Variants in RALYL observed in about 807,000 individuals in gnomAD.
The protein encoded by RALYL is RNA-binding Raly-like protein.
In RALYL, 29 loss-of-function variants were observed where a neutral mutation model predicts 35.1. The ratio of observed to expected loss-of-function variants is 0.83; its 90% CI spans 0.61 to 1.13. RALYL has a LOEUF of 1.13. RALYL is among the 50% of genes most tolerant of loss of function. The pLI, the probability that RALYL is intolerant of heterozygous loss-of-function variation, is 0.00. For missense variants in RALYL, 359 were observed against 360.4 expected (o/e 1.00, Z 0.03); for synonymous variants, 120 against 127.6 (o/e 0.94, Z 0.40).
At chr8:84,207,186 A>G (rs1355417794) in intron 1 of RALYL, among the ~76,000 whole-genome samples, 1 of 152,138 alleles carries the variant, frequency 6.6e-6, no homozygotes, top group Non-Finnish European at 1.5e-5. Flanking sequence ...AAATTAAACC[A>G]GTATCTCAAA....
At chr8:84,890,938 G>A (rs575810362) in intron 8 of RALYL, among the ~76,000 whole-genome samples, 1 of 152,178 alleles carries the variant, frequency 6.6e-6, no homozygotes, top group Admixed American at 6.6e-5. Flanking sequence ...GTTTAAAAAT[G>A]AGAAAATAAA....
intron 1 of RALYL, among the ~76,000 whole-genome samples, chr8:84,462,300 G>A (rs2050894312): frequency 6.6e-6 from 1 of 151,232 alleles, no homozygotes; most frequent in Admixed American, 6.6e-5. Context: ...TTATCATATT[G>A]TTGCATTTTA....
chr8:84,474,624 T>G (rs1359444201), intron 1 of RALYL, among the ~76,000 whole-genome samples: 1 of 152,180 alleles, frequency 6.6e-6, no homozygotes, highest in Non-Finnish European at 1.5e-5. Context: ...TAGTGTGTAA[T>G]AATCTCTCAA....
chr8:84,503,216 T>G (rs1229157467), intron 1 of RALYL, among the ~76,000 whole-genome samples: 1 of 152,016 alleles, frequency 6.6e-6, no homozygotes. Context: ...GGTAGGATCA[T>G]AGCTCGCTGC....
At chr8:84,805,637 T>C (rs2134022396) in intron 4 of RALYL, among the ~76,000 whole-genome samples, 1 of 152,200 alleles carries the variant, frequency 6.6e-6, no homozygotes, top group East Asian at 1.9e-4. Flanking sequence ...TGAGCCAAGA[T>C]CACACCACTG....
chr8:84,785,642 TA>T (rs937597607), intron 3 of RALYL, among the ~76,000 whole-genome samples: 16 of 152,210 alleles, frequency 1.1e-4, no homozygotes, highest in African/African-American at 3.4e-4. Flanking sequence ...AAAACATTTT[TA>T]AAAAATTAAA....
At chr8:84,306,263 T>A (rs1841779744) in intron 1 of RALYL, among the ~76,000 whole-genome samples, 2 of 152,054 alleles carry the variant, frequency 1.3e-5, no homozygotes, top group South Asian at 4.2e-4. Context: ...ACAAATTGGG[T>A]TCTTAGGAAA....
chr8:84,804,251 A>G (rs1287932307), intron 3 of RALYL, among the ~76,000 whole-genome samples: 1 of 152,206 alleles, frequency 6.6e-6, no homozygotes, highest in South Asian at 2.1e-4. Flanking sequence ...TAGAAGCACA[A>G]AGGAGGCTGA....
chr8:84,237,975 T>TA (rs374231294), intron 1 of RALYL, among the ~76,000 whole-genome samples: 9 of 114,200 alleles, frequency 7.9e-5, no homozygotes, highest in African/African-American at 1.2e-4. Context: ...AATATGAATC[T>TA]AAAAAAAAGA....
At chr8:84,319,458 T>C (rs1373020500) in intron 1 of RALYL, among the ~76,000 whole-genome samples, 5 of 152,110 alleles carry the variant, frequency 3.3e-5, no homozygotes, top group African/African-American at 1.2e-4. Flanking sequence ...AGATGACCAA[T>C]TTCATAACCT....
Position 84,850,041 on chromosome 8 carries a change from T to C in RALYL, c.413+14T>C. 1 of 1,423,232 alleles carries C rather than the reference T, an allele frequency of 7.0e-7. No homozygotes were observed. The highest frequency in any genetic ancestry group is 2.5e-5 in the Admixed American group (1 of 40,096). 88.2% of individuals were successfully genotyped at this position (1,423,232 alleles called of 1,614,324 possible). A position where few individuals can be genotyped will look rare whatever the true frequency, so the allele number is the denominator to read the frequency against. ...TTTCTACAATCGGTATGTGAATTTT[T>C]CATCCTTGTTTTCCTATGACTTAAA... On this transcript the variant is annotated intron_variant, in intron 5 of 8. Coordinates refer to ENST00000521268, the MANE Select transcript of RALYL (RefSeq NM_173848.7).
intron 2 of RALYL, chr8:84,679,537 G>C (rs1321117950): frequency 2.6e-6 from 1 of 382,412 alleles, no homozygotes; most frequent in Non-Finnish European, 5.1e-6. Flanking sequence ...TCTGCAAAGG[G>C]GCTGGAATGA....
intron 1 of RALYL, among the ~76,000 whole-genome samples, chr8:84,511,659 G>C (rs1055435114): frequency 1.3e-5 from 2 of 152,080 alleles, no homozygotes; most frequent in African/African-American, 2.4e-5. Context: ...CTATCTAACT[G>C]TATGCTTGTA....
At chr8:84,231,332 C>T (rs1825291883) in intron 1 of RALYL, among the ~76,000 whole-genome samples, 1 of 152,172 alleles carries the variant, frequency 6.6e-6, no homozygotes, top group Admixed American at 6.5e-5. Context: ...GTGAGAAATA[C>T]AGCTAGAGAA....
At chr8:84,902,779 G>A (rs1022767855) in intron 8 of RALYL, among the ~76,000 whole-genome samples, 1 of 152,112 alleles carries the variant, frequency 6.6e-6, no homozygotes, top group African/African-American at 2.4e-5. Context: ...TCTGTTAAAG[G>A]AAGTTTTTTT....
At chr8:84,592,855 C>T (rs1332979701) in intron 2 of RALYL, among the ~76,000 whole-genome samples, 1 of 152,022 alleles carries the variant, frequency 6.6e-6, no homozygotes, top group Non-Finnish European at 1.5e-5. Context: ...CTCAAATTTG[C>T]ACACAAGGAT....
At chr8:84,835,549 G>T (rs1831809536) in intron 4 of RALYL, among the ~76,000 whole-genome samples, 2 of 150,676 alleles carry the variant, frequency 1.3e-5, no homozygotes, top group African/African-American at 4.9e-5. Context: ...TGGGCATGGT[G>T]GTGCATGCCT....
intron 1 of RALYL, among the ~76,000 whole-genome samples, chr8:84,243,495 C>T: frequency 7.1e-6 from 1 of 140,984 alleles, no homozygotes. Context: ...TCTGTTCTCT[C>T]TCACACTTTT....
At chr8:84,286,396 G>A (rs929943467) in intron 1 of RALYL, among the ~76,000 whole-genome samples, 2 of 152,158 alleles carry the variant, frequency 1.3e-5, no homozygotes, top group African/African-American at 2.4e-5. Flanking sequence ...AGAATGTTAG[G>A]GAGTGGAGTA....
Sources: allele counts gnomAD v4.1 joint callset (sites outside exome capture counted in the v4.1 genomes callset), GRCh38; gene constraint gnomAD v4.1.1; transcripts MANE v1.5; gene names NCBI Gene and HGNC (gene_info 2026-07-23, HGNC 2026-07-21).